Variants in NRIP1 observed in about 807,000 individuals in gnomAD.
NRIP1 encodes the protein nuclear receptor interacting protein 1.
In NRIP1, 28 loss-of-function variants were observed where a neutral mutation model predicts 75.0. That is an observed-to-expected ratio of 0.37 (90% CI 0.28 to 0.51). The LOEUF is 0.51. NRIP1 is among the 20% of genes least tolerant of loss of function. The probability of loss-of-function intolerance (pLI) is 0.92; values close to 1 mark genes in which losing one functional copy is unlikely to be tolerated. For missense variants in NRIP1, 1,435 were observed against 1,343.7 expected (o/e 1.07, Z -1.06); for synonymous variants, 526 against 487.6 (o/e 1.08, Z -1.04).
intron 2 of NRIP1, among the ~76,000 whole-genome samples, chr21:15,022,489 T>G (rs1360671554): frequency 6.6e-6 from 1 of 152,210 alleles, no homozygotes; most frequent in African/African-American, 2.4e-5. Context: ...ACATGGCATA[T>G]GTTTACCTAT....
chr21:14,965,881 T>C lies in NRIP1; in HGVS notation c.2312A>G (p.His771Arg), dbSNP rs1198084215. The C allele has an allele frequency of 1.9e-6, 3 of 1,613,994 alleles. No individual in the cohort carries two copies. The African/African-American group carries it at 4.0e-5, about 22-fold the overall frequency. ...DDLQIPNTNV[H>R]LSHDAKSAPF... is the part of the protein sequence containing the mutation. ...GGCACTCTTAGCATCATGGCTCAAG[T>C]GCACATTTGTGTTAGGAATTTGTAA... Residue 771 changes from histidine (H) to arginine (R), a missense_variant, in exon 4 of 4, where the codon CAC becomes CGC. His to Arg is a conservative substitution (Grantham distance 29). Transcript: ENST00000318948.
chr21:14,987,584 T>C (rs1304187119), intron 3 of NRIP1, among the ~76,000 whole-genome samples: 2 of 152,134 alleles, frequency 1.3e-5, no homozygotes, highest in Non-Finnish European at 2.9e-5. Context: ...CAGTCTGTGG[T>C]GGGTGCTGCA....
chr21:15,051,337 A>C (rs2089198935), intron 1 of NRIP1: 1 of 159,932 alleles, frequency 6.3e-6, no homozygotes, highest in Non-Finnish European at 1.4e-5. Context: ...TGGTCAATAA[A>C]AAATTATTAC....
At chr21:15,011,871 T>C (rs1184967315) in intron 3 of NRIP1, among the ~76,000 whole-genome samples, 2 of 152,226 alleles carry the variant, frequency 1.3e-5, no homozygotes, top group African/African-American at 4.8e-5. Flanking sequence ...TTACTCAATA[T>C]GATGATTGTA....
At chr21:15,038,859 T>G (rs2088892309) in intron 2 of NRIP1, among the ~76,000 whole-genome samples, 1 of 152,142 alleles carries the variant, frequency 6.6e-6, no homozygotes, top group Admixed American at 6.6e-5. Flanking sequence ...TCCTTCTAGA[T>G]GCTCAGCCTC....
At chr21:15,016,957 AAGAAAGAAAGAAAGAAAAG>A (rs1045701977) in intron 2 of NRIP1, among the ~76,000 whole-genome samples, 4 of 150,734 alleles carry the variant, frequency 2.7e-5, no homozygotes, top group African/African-American at 4.9e-5. Flanking sequence ...GAAGAAAGAC[AAGAAAGAAAGAAAGAAAAG>A]AGAAAGAAAG....
At chr21:15,064,153 T>G (rs1328513737) in intron 1 of NRIP1, among the ~76,000 whole-genome samples, 1 of 152,144 alleles carries the variant, frequency 6.6e-6, no homozygotes, top group Non-Finnish European at 1.5e-5. Context: ...CCCTGGCTCC[T>G]GGTAAAATGA....
chr21:15,018,453 G>C (rs933346127), intron 2 of NRIP1, among the ~76,000 whole-genome samples: 2 of 152,148 alleles, frequency 1.3e-5, no homozygotes, highest in African/African-American at 2.4e-5. Flanking sequence ...ATAAGGAAAA[G>C]CAAAAGCTTC....
chr21:14,989,359 A>G (rs1033383859), intron 3 of NRIP1, among the ~76,000 whole-genome samples: 4 of 152,116 alleles, frequency 2.6e-5, no homozygotes, highest in African/African-American at 9.7e-5. Flanking sequence ...AGAATTTCAT[A>G]TTTCTTATTC....
In NRIP1 at chr21:14,967,831, T is replaced by C. The variant is rs749869230; in HGVS notation, c.362A>G (p.Asp121Gly). 1 of 1,614,066 alleles carries C rather than the reference T, an allele frequency of 6.2e-7. No homozygotes were observed. Among genetic ancestry groups the C allele is most frequent in the South Asian group, 1.1e-5 (1 of 91,086 alleles). ...KKEALLAGMV[D>G]SVPKGKQDST... Reference sequence around the variant, plus strand: ...ATCCTGTTTGCCTTTAGGCACACTGTCAACCATGCCAGCTAGCAAAGCTTC... The same window carrying C: ...ATCCTGTTTGCCTTTAGGCACACTGCCAACCATGCCAGCTAGCAAAGCTTC... The change falls in exon 4 of 4, where the codon GAC becomes GGC. Residue 121 changes from aspartate (D) to glycine (G), a missense_variant. Coordinates refer to ENST00000318948, the MANE Select transcript of NRIP1 (RefSeq NM_003489.4).
intron 3 of NRIP1, among the ~76,000 whole-genome samples, chr21:15,003,775 G>A (rs2087902065): frequency 6.6e-6 from 1 of 152,150 alleles, no homozygotes; most frequent in Non-Finnish European, 1.5e-5. Flanking sequence ...AGCAGCTGCG[G>A]GTGCCAATTA....
At chr21:15,009,136 T>C (rs1265653767) in intron 3 of NRIP1, among the ~76,000 whole-genome samples, 5 of 152,328 alleles carry the variant, frequency 3.3e-5, no homozygotes, top group East Asian at 1.9e-4. Context: ...GAATTTCCAC[T>C]ATAATTATGG....
chr21:15,061,329 AT>A (rs1233932615), intron 1 of NRIP1, among the ~76,000 whole-genome samples: 1 of 152,186 alleles, frequency 6.6e-6, no homozygotes, highest in Non-Finnish European at 1.5e-5. Flanking sequence ...TTGTGTATCA[AT>A]CACCTGAAGG....
At chr21:15,037,643 T>C (rs1488779344) in intron 2 of NRIP1, among the ~76,000 whole-genome samples, 1 of 150,896 alleles carries the variant, frequency 6.6e-6, no homozygotes, top group African/African-American at 2.4e-5. Context: ...GGCCTTTTGG[T>C]AAAAGAAAAC....
intron 1 of NRIP1, among the ~76,000 whole-genome samples, chr21:15,048,312 A>G (rs547672113): frequency 6.6e-6 from 1 of 152,362 alleles, no homozygotes; most frequent in Admixed American, 6.5e-5. Context: ...TTTGTAAAAA[A>G]CAAAATTATC....
intron 1 of NRIP1, among the ~76,000 whole-genome samples, chr21:15,060,399 A>T (rs2147423261): frequency 6.6e-6 from 1 of 152,246 alleles, no homozygotes; most frequent in Admixed American, 6.5e-5. Context: ...CCCTACCATG[A>T]ATCATAGGTA....
intron 2 of NRIP1, among the ~76,000 whole-genome samples, chr21:15,039,966 C>A (rs2088917870): frequency 6.6e-6 from 1 of 152,094 alleles, no homozygotes; most frequent in Non-Finnish European, 1.5e-5. Context: ...AAAGATGGTA[C>A]TTCAGCATTT....
intron 3 of NRIP1, among the ~76,000 whole-genome samples, chr21:14,977,980 C>T (rs1310658506): frequency 6.6e-6 from 1 of 152,180 alleles, no homozygotes; most frequent in African/African-American, 2.4e-5. Context: ...ACCAGAGACA[C>T]CGGTGACGAA....
chr21:15,044,993 G>A (rs1000673639), intron 1 of NRIP1, among the ~76,000 whole-genome samples: 8 of 152,040 alleles, frequency 5.3e-5, no homozygotes, highest in Middle Eastern at 3.2e-3. Context: ...AAGAGAAGAC[G>A]GTAGTTTTAT....
Sources: gnomAD v4.1 joint callset for allele counts (sites outside exome capture counted in the v4.1 genomes callset) on GRCh38, gnomAD v4.1.1 for gene constraint, MANE v1.5 for transcripts, NCBI Gene and HGNC (gene_info 2026-07-23, HGNC 2026-07-21) for gene names.